CADPS2: variants seen among roughly 807,000 people sequenced by gnomAD.
CADPS2 encodes calcium dependent secretion activator 2.
A neutral mutation model predicts 172.5 loss-of-function variants in CADPS2; 93 were observed. The ratio of observed to expected loss-of-function variants is 0.54; its 90% CI spans 0.46 to 0.64. The LOEUF is 0.64. CADPS2 is among the 30% of genes least tolerant of loss of function. The pLI is 0.00. For synonymous variants in CADPS2, 546 were observed against 555.2 expected, an observed-to-expected ratio of 0.98 and a Z score of 0.23; for missense variants, 1,420 against 1,565.9, an observed-to-expected ratio of 0.91 and a Z score of 1.57.
chr7:122,864,110 T>C (rs1441739779), intron 1 of CADPS2, among the ~76,000 whole-genome samples: 3 of 152,158 alleles, frequency 2.0e-5, no homozygotes, highest in Non-Finnish European at 4.4e-5. Flanking sequence ...AGGAGGATTA[T>C]AGAACATAAA....
chr7:122,501,748 G>A (rs2059218224), intron 9 of CADPS2, among the ~76,000 whole-genome samples: 3 of 151,582 alleles, frequency 2.0e-5, no homozygotes, highest in African/African-American at 4.8e-5. Flanking sequence ...GGTGGCACAC[G>A]CCTGTAGTCC....
chr7:122,336,460 G>A (rs1250015270), intron 28 of CADPS2, among the ~76,000 whole-genome samples: 9 of 152,166 alleles, frequency 5.9e-5, no homozygotes, highest in Non-Finnish European at 1.3e-4. Flanking sequence ...CATGAACAAG[G>A]CACTAGAGAC....
chr7:122,759,993 T>C (rs1331213455), intron 1 of CADPS2, among the ~76,000 whole-genome samples: 1 of 151,416 alleles, frequency 6.6e-6, no homozygotes, highest in African/African-American at 2.4e-5. Flanking sequence ...TTTATATATA[T>C]ATATATATAC....
chr7:122,325,884 T>C (rs1167542310), intron 28 of CADPS2, among the ~76,000 whole-genome samples: 3 of 152,098 alleles, frequency 2.0e-5, no homozygotes, highest in Non-Finnish European at 4.4e-5. Flanking sequence ...TTGTAATTTG[T>C]AAATAACAAA....
intron 6 of CADPS2, among the ~76,000 whole-genome samples, chr7:122,614,624 C>A (rs1307076509): frequency 6.6e-6 from 1 of 152,144 alleles, no homozygotes; most frequent in Non-Finnish European, 1.5e-5. Context: ...AAAGCGAACA[C>A]TTACTAATTT....
At chr7:122,434,365 C>A (rs913231963) in intron 17 of CADPS2, among the ~76,000 whole-genome samples, 1 of 151,916 alleles carries the variant, frequency 6.6e-6, no homozygotes, top group Non-Finnish European at 1.5e-5. Flanking sequence ...GAAATAGAGC[C>A]CTTAATAGAA....
At chr7:122,450,309 G>A (rs1442369735) in intron 15 of CADPS2, among the ~76,000 whole-genome samples, 1 of 151,948 alleles carries the variant, frequency 6.6e-6, no homozygotes, top group Non-Finnish European at 1.5e-5. Flanking sequence ...TCACATGCAT[G>A]CAACATAGCA....
rs533275999 is a variant in CADPS2, at chr7:122,815,270, T to G, written c.339+70729A>C. ...GTCTGCAAAGCTCATCTACTAGAGATGCACTCCTAACCAAAACAAAAATGT... is the reference window on the plus strand; with the variant it reads ...GTCTGCAAAGCTCATCTACTAGAGAGGCACTCCTAACCAAAACAAAAATGT... On this transcript the variant is annotated intron_variant, in intron 1 of 29. Transcript: ENST00000449022. Among the ~76,000 whole-genome samples the G allele has an allele frequency of 1.4e-3, 216 of 152,278 alleles. 1 individual carries two copies. In the South Asian group the frequency reaches 0.023, roughly 16 times the overall value.
At chr7:122,438,305 C>T (rs752451645) in intron 17 of CADPS2, 36 bp downstream of exon 17, 1 of 1,611,116 alleles carries the variant, frequency 6.2e-7, no homozygotes, top group Non-Finnish European at 8.5e-7. Context: ...ATTGTTGGCT[C>T]TCACTGCCAC....
intron 22 of CADPS2, among the ~76,000 whole-genome samples, chr7:122,392,409 C>T (rs2044492380): frequency 6.6e-6 from 1 of 150,868 alleles, no homozygotes; most frequent in Non-Finnish European, 1.5e-5. Context: ...TTTAAATCAT[C>T]ACAAAAACAT....
At chr7:122,544,377 G>A (rs2063409923) in intron 8 of CADPS2, among the ~76,000 whole-genome samples, 1 of 152,160 alleles carries the variant, frequency 6.6e-6, no homozygotes, top group African/African-American at 2.4e-5. Context: ...TAAGACAAGA[G>A]TGCACAGTAT....
intron 11 of CADPS2, among the ~76,000 whole-genome samples, chr7:122,481,939 C>T (rs533829624): frequency 7.0e-4 from 106 of 152,038 alleles, no homozygotes; most frequent in African/African-American, 2.3e-3. Context: ...GGCTGAGGCA[C>T]GAGAATGGCT....
intron 25 of CADPS2, among the ~76,000 whole-genome samples, chr7:122,364,091 C>T (rs549896116): frequency 4.8e-4 from 73 of 152,224 alleles, no homozygotes; most frequent in African/African-American, 1.6e-3. Flanking sequence ...TTAAGTGATA[C>T]GCCATATGCA....
intron 1 of CADPS2, among the ~76,000 whole-genome samples, chr7:122,751,773 C>T (rs985715922): frequency 5.3e-5 from 8 of 152,266 alleles, no homozygotes; most frequent in Middle Eastern, 3.4e-3. Context: ...CAATACTAAA[C>T]ATATTAACAA....
In CADPS2 at chr7:122,762,013, AAT is replaced by A. The variant is rs869122039; in HGVS notation, c.340-24947_340-24946del. ...CTCTGCCTCAAAAAAAAAAAAAAAA[AAT>A]ATATATATATATATACACACACACA... On this transcript the variant is annotated intron_variant, in intron 1 of 29. Transcript: ENST00000449022. Among the ~76,000 whole-genome samples, 139 of 97,986 alleles carry A rather than the reference AAT, an allele frequency of 1.4e-3. 1 individual carries two copies. Among genetic ancestry groups the A allele is most frequent in the East Asian group, 7.5e-3 (25 of 3,328 alleles). The allele number at this position is 97,986 out of a possible 152,430, so 64.3% of individuals were successfully genotyped here.
Position 122,645,398 on chromosome 7 carries a change from T to C in CADPS2, c.787-16070A>G, listed in dbSNP as rs189198276. Among the ~76,000 whole-genome samples, 76 of 50,626 alleles carry C rather than the reference T, an allele frequency of 1.5e-3. 8 individuals are homozygous for C. Among genetic ancestry groups the C allele is most frequent in the Admixed American group, 0.011 (56 of 5,140 alleles). The allele number at this position is 50,626 out of a possible 152,430, so 33.2% of individuals were successfully genotyped here. A position where few individuals can be genotyped will look rare whatever the true frequency, so the allele number is the denominator to read the frequency against. On this transcript the variant is annotated intron_variant, in intron 3 of 29. Transcript: ENST00000449022. ...ACACATATGTACATGTGTGTGTATA[T>C]ATGTACATATACACACATGTATATG...
chr7:122,475,644 T>A (rs2056543996), intron 12 of CADPS2, among the ~76,000 whole-genome samples: 1 of 152,190 alleles, frequency 6.6e-6, no homozygotes, highest in Non-Finnish European at 1.5e-5. Flanking sequence ...TTAGCCCAGA[T>A]CTTATTGATC....
At chr7:122,702,205 C>T (rs1433378888) in intron 2 of CADPS2, 3 of 1,613,796 alleles carry the variant, frequency 1.9e-6, no homozygotes, top group East Asian at 4.5e-5. Context: ...ACTGCATGTG[C>T]ATTCTCCCCA....
chr7:122,352,434 C>T (rs62473072), intron 27 of CADPS2, among the ~76,000 whole-genome samples: 2,743 of 152,268 alleles, frequency 0.018, 41 homozygotes, highest in Non-Finnish European at 0.028. Context: ...GCTTAAGTGA[C>T]GACTCAGGGT....
Sources: gnomAD v4.1 joint callset for allele counts (sites outside exome capture counted in the v4.1 genomes callset) on GRCh38, gnomAD v4.1.1 for gene constraint, MANE v1.5 for transcripts, NCBI Gene and HGNC (gene_info 2026-07-23, HGNC 2026-07-21) for gene names.